ARID1B: variants seen among roughly 807,000 people sequenced by gnomAD.
The protein encoded by ARID1B is AT-rich interactive domain-containing protein 1B.
In ARID1B, 30 loss-of-function variants were observed where a neutral mutation model predicts 212.3. The observed-to-expected ratio is 0.14, with a 90% CI of 0.11 to 0.19. ARID1B has a LOEUF of 0.19. Ranked by LOEUF, ARID1B falls within the 10% of genes least tolerant of loss-of-function variation. The pLI is 1.00. For synonymous variants in ARID1B, 1,402 were observed against 1,301.7 expected (o/e 1.08, Z -1.66); for missense variants, 2,891 against 3,204.0 (o/e 0.90, Z 2.36).
intron 2 of ARID1B, among the ~76,000 whole-genome samples, chr6:156,842,838 G>A (rs1468925854): frequency 1.3e-5 from 2 of 152,210 alleles, no homozygotes; most frequent in Admixed American, 6.5e-5. Flanking sequence ...CATGAGGTAA[G>A]TAATACTACT....
chr6:156,845,528 A>G (rs1288217367), intron 2 of ARID1B, among the ~76,000 whole-genome samples: 2 of 152,106 alleles, frequency 1.3e-5, no homozygotes, highest in Non-Finnish European at 2.9e-5. Flanking sequence ...TAGATTGGAT[A>G]TAATTTTCCC....
rs6911414 is a variant in ARID1B, at chr6:156,846,646, G to A, written c.1986+17225G>A. 9.6e-3 allele frequency among the ~76,000 whole-genome samples: 1,460 copies of A among 152,212 alleles called. 25 individuals are homozygous for A. The highest frequency in any genetic ancestry group is 0.032 in the African/African-American group (1,327 of 41,512). On this transcript the variant is annotated intron_variant, in intron 2 of 19. Transcript: ENST00000636930. ...CCCCCTCCCCAGTAACTAACTCATC[G>A]TTGACTCTCAGAGGAGAAGTCAGGG...
At chr6:157,013,752 A>G (rs770610531) in intron 4 of ARID1B, among the ~76,000 whole-genome samples, 1 of 152,214 alleles carries the variant, frequency 6.6e-6, no homozygotes, top group Non-Finnish European at 1.5e-5. Flanking sequence ...TGATTGCACT[A>G]TAGCCAAATT....
At chr6:156,894,591 T>G (rs1190620974) in intron 2 of ARID1B, among the ~76,000 whole-genome samples, 3 of 152,204 alleles carry the variant, frequency 2.0e-5, no homozygotes, top group African/African-American at 7.2e-5. Context: ...TGGGGAGTTT[T>G]CACCACACTT....
At chr6:156,922,149 G>A (rs1349715001) in intron 3 of ARID1B, among the ~76,000 whole-genome samples, 7 of 151,292 alleles carry the variant, frequency 4.6e-5, no homozygotes, top group Non-Finnish European at 2.9e-5. Context: ...GGATAATAAC[G>A]TAAGGGGTCC....
chr6:157,012,645 G>C (rs1191769594), intron 4 of ARID1B, among the ~76,000 whole-genome samples: 1 of 152,188 alleles, frequency 6.6e-6, no homozygotes, highest in Non-Finnish European at 1.5e-5. Context: ...CTAGGCTTTA[G>C]TCTAATTTCC....
intron 4 of ARID1B, among the ~76,000 whole-genome samples, chr6:156,998,571 G>A (rs1359163814): frequency 6.6e-6 from 1 of 152,160 alleles, no homozygotes; most frequent in East Asian, 1.9e-4. Context: ...AGGTGGAAGG[G>A]GCACGAGGAA....
rs562729329 is a variant in ARID1B, at chr6:157,055,173, C to T, written c.2248-29489C>T. Among the ~76,000 whole-genome samples the T allele has an allele frequency of 2.0e-5, 3 of 152,306 alleles. No homozygotes were observed. The East Asian group carries it at 5.8e-4, about 29-fold the overall frequency. ...TAAGGGGACCATTTGCATTGGTTTCCCTTTGGAAATGATGAGTGATTATCT... is the reference window on the plus strand; with the variant it reads ...TAAGGGGACCATTTGCATTGGTTTCTCTTTGGAAATGATGAGTGATTATCT... On this transcript the variant is annotated intron_variant, in intron 4 of 19. Transcript: ENST00000636930.
intron 8 of ARID1B, among the ~76,000 whole-genome samples, chr6:157,165,856 AC>A (rs750570569): frequency 2.6e-5 from 4 of 152,262 alleles, no homozygotes; most frequent in Non-Finnish European, 4.4e-5. Flanking sequence ...TCTCAAAAAA[AC>A]ATAAAAATAA....
At chr6:156,855,408 C>G (rs1784845086) in intron 2 of ARID1B, among the ~76,000 whole-genome samples, 1 of 152,190 alleles carries the variant, frequency 6.6e-6, no homozygotes, top group Non-Finnish European at 1.5e-5. Flanking sequence ...AAGGCGTGTG[C>G]TAACACAGAC....
At chr6:156,954,468 T>C (rs1731092702) in intron 4 of ARID1B, among the ~76,000 whole-genome samples, 1 of 152,206 alleles carries the variant, frequency 6.6e-6, no homozygotes, top group Non-Finnish European at 1.5e-5. Flanking sequence ...GTGAGTATTT[T>C]GTCTTTAGAA....
Position 156,883,739 on chromosome 6 carries a change from C to T in ARID1B, c.1987-17637C>T, listed in dbSNP as rs182201384. Among the ~76,000 whole-genome samples, 3 of 152,228 alleles carry T rather than the reference C, an allele frequency of 2.0e-5. No individual in the cohort carries two copies. In the East Asian group the frequency reaches 5.8e-4, roughly 29 times the overall value. ...TGACTTCTTCTGAGAGTTGCCGGCT[C>T]CTCTGAGTGGCAGGTGCTGGAGGTG... On this transcript the variant is annotated intron_variant, in intron 2 of 19. Coordinates refer to ENST00000636930, the MANE Select transcript of ARID1B (RefSeq NM_001374828.1).
At chr6:157,009,676 A>G (rs1396603475) in intron 4 of ARID1B, among the ~76,000 whole-genome samples, 2 of 152,236 alleles carry the variant, frequency 1.3e-5, no homozygotes, top group Admixed American at 6.5e-5. Context: ...TGTTTAATTG[A>G]TAGTGGTAAT....
rs1417784350 is a variant in ARID1B at position 157,208,133 on chromosome 6, C to G, written c.*242C>G. On this transcript the variant is annotated 3_prime_UTR_variant, in exon 20 of 20. Transcript: ENST00000636930. ...GGTTTTTTTTTTCTCTTTTTTTTAACCAAAGTTGCTGTCTAGTGCATTCAA... is the reference window on the plus strand; with the variant it reads ...GGTTTTTTTTTTCTCTTTTTTTTAAGCAAAGTTGCTGTCTAGTGCATTCAA... The G allele has an allele frequency of 4.6e-5, 18 of 390,088 alleles. No homozygotes were observed. The highest frequency in any genetic ancestry group is 6.3e-5 in the African/African-American group (3 of 47,726). The allele number at this position is 390,088 out of a possible 1,614,324, so 24.2% of individuals were successfully genotyped here. A position where few individuals can be genotyped will look rare whatever the true frequency, so the allele number is the denominator to read the frequency against.
chr6:156,931,852 C>T (rs1162921405), intron 3 of ARID1B, among the ~76,000 whole-genome samples: 1 of 151,188 alleles, frequency 6.6e-6, no homozygotes, highest in Admixed American at 6.6e-5. Flanking sequence ...ATCCCAGCTA[C>T]TCGGGAGGCT....
chr6:157,149,329 C>T, intron 8 of ARID1B: 1 of 209,690 alleles, frequency 4.8e-6, no homozygotes, highest in Non-Finnish European at 9.9e-6. Context: ...AAATCTAAAA[C>T]ATTCAAAAGG....
chr6:156,987,334 GT>G lies in ARID1B; in HGVS notation c.2247+51772del, dbSNP rs539734937. Among the ~76,000 whole-genome samples the G allele has an allele frequency of 5.4e-4, 79 of 145,116 alleles. 2 individuals carry two copies. The highest frequency in any genetic ancestry group is 9.8e-4 in the African/African-American group (39 of 39,760). ...GTCAGTTTTCTAGATACCAGTGCTAGTTTTTTTTTTTTTTGAGACGGAGTGT... is the reference window on the plus strand; with the variant it reads ...GTCAGTTTTCTAGATACCAGTGCTAGTTTTTTTTTTTTTGAGACGGAGTGT... On this transcript the variant is annotated intron_variant, in intron 4 of 19. Coordinates refer to ENST00000636930, the MANE Select transcript of ARID1B (RefSeq NM_001374828.1).
intron 3 of ARID1B, among the ~76,000 whole-genome samples, chr6:156,920,363 G>A (rs1158584805): frequency 1.3e-5 from 2 of 152,112 alleles, no homozygotes; most frequent in African/African-American, 4.8e-5. Flanking sequence ...CTGACACAAG[G>A]GAAATTGGGG....
At chr6:156,944,913 CTTT>C (rs1792953387) in intron 4 of ARID1B, among the ~76,000 whole-genome samples, 1 of 149,606 alleles carries the variant, frequency 6.7e-6, no homozygotes, top group Non-Finnish European at 1.5e-5. Context: ...TCTTCTTCTT[CTTT>C]TTCTTTTCCT....
Sources: allele counts gnomAD v4.1 joint callset (sites outside exome capture counted in the v4.1 genomes callset), GRCh38; gene constraint gnomAD v4.1.1; transcripts MANE v1.5; gene names NCBI Gene and HGNC (gene_info 2026-07-23, HGNC 2026-07-21).